TAOK1: variants seen among roughly 807,000 people sequenced by gnomAD.
TAOK1 encodes the protein TAO kinase 1.
In TAOK1, 21 loss-of-function variants were observed where a neutral mutation model predicts 138.3. That is an observed-to-expected ratio of 0.15 (90% CI 0.11 to 0.22). TAOK1 has a LOEUF of 0.22. Ranked by LOEUF, TAOK1 falls within the 10% of genes least tolerant of loss-of-function variation. The pLI is 1.00. For missense variants in TAOK1, 651 were observed against 1,227.7 expected, an observed-to-expected ratio of 0.53 and a Z score of 7.02; for synonymous variants, 361 against 398.4, an observed-to-expected ratio of 0.91 and a Z score of 1.12.
At chr17:29,423,215 T>A (rs1388324703) in intron 1 of TAOK1, among the ~76,000 whole-genome samples, 3 of 136,084 alleles carry the variant, frequency 2.2e-5, no homozygotes, top group Non-Finnish European at 4.6e-5. Flanking sequence ...ACTAAATCTT[T>A]CTTCTTTTCT....
At chr17:29,504,336 G>C (rs1406665682) in intron 13 of TAOK1, among the ~76,000 whole-genome samples, 2 of 145,992 alleles carry the variant, frequency 1.4e-5, no homozygotes, top group African/African-American at 5.0e-5. Flanking sequence ...GAAAAGAAGA[G>C]AGAGAGAAAA....
intron 1 of TAOK1, chr17:29,445,496 G>A (rs1168756601): frequency 6.6e-6 from 1 of 152,082 alleles, no homozygotes; most frequent in East Asian, 1.9e-4. Flanking sequence ...CCTTTAATAG[G>A]TTAAAGATGT....
rs535568453 is a variant in TAOK1, at chr17:29,543,029, A to C, written c.*7A>C. The C allele has an allele frequency of 1.2e-5, 19 of 1,550,704 alleles. No homozygotes were observed. The East Asian group carries it at 4.2e-4, about 34-fold the overall frequency. Reference sequence around the variant, plus strand: ...ACACATGTCTTATACATAACTTAATAATTGAGAGTGGCAATTCCGCTGGAG... The same window carrying C: ...ACACATGTCTTATACATAACTTAATCATTGAGAGTGGCAATTCCGCTGGAG... On this transcript the variant is annotated 3_prime_UTR_variant, in exon 20 of 20. Transcript: ENST00000261716.
intron 15 of TAOK1, chr17:29,514,526 A>G (rs1219523872): frequency 1.3e-5 from 2 of 151,992 alleles, no homozygotes; most frequent in Admixed American, 1.3e-4. Flanking sequence ...TGCCCAGCTA[A>G]TTTTATAATT....
intron 18 of TAOK1, among the ~76,000 whole-genome samples, chr17:29,533,287 G>A (rs1273649330): frequency 1.3e-5 from 2 of 149,978 alleles, no homozygotes; most frequent in African/African-American, 2.5e-5. Context: ...TGGGATGGCG[G>A]CCGGGAAGAG....
rs546453914 is a variant in TAOK1 at position 29,415,116 on chromosome 17, C to T, written c.-95+24092C>T. On this transcript the variant is annotated intron_variant, in intron 1 of 19. Coordinates refer to ENST00000261716, the MANE Select transcript of TAOK1 (RefSeq NM_020791.4). ...TCCCAAATAGCTGGGATTACAGGTG[C>T]GTGCTACCACACCAAGATAATTTTG... is the stretch of plus-strand genomic sequence containing the variant. 1.7e-3 allele frequency among the ~76,000 whole-genome samples: 260 copies of T among 152,108 alleles called. 1 individual carries two copies. The highest frequency in any genetic ancestry group is 5.7e-3 in the African/African-American group (235 of 41,476).
In TAOK1 at chr17:29,491,850, A is replaced by G. The variant is rs1379704548; in HGVS notation, c.816A>G (p.Ser272=). The G allele has an allele frequency of 3.1e-6, 5 of 1,612,648 alleles. No homozygotes were observed. The highest frequency in any genetic ancestry group is 1.1e-5 in the South Asian group (1 of 90,990). Residue 272 remains serine, a synonymous_variant, in exon 10 of 20, where the codon TCA becomes TCG. Coordinates refer to ENST00000261716, the MANE Select transcript of TAOK1 (RefSeq NM_020791.4). ...LQKIPQDRPT[S]EELLKHIFVL... is the part of the protein sequence containing the mutation. ...AAATCCCTCAAGATCGACCTACATC[A>G]GAGGAACTTTTAAAGGTCAGTTCTA...
At chr17:29,513,428 T>G (rs571108374) in intron 15 of TAOK1, 14 of 152,324 alleles carry the variant, frequency 9.2e-5, no homozygotes, top group Middle Eastern at 3.4e-3. Flanking sequence ...ATGCAGTTGT[T>G]TTGTTTTCCA....
intron 19 of TAOK1, among the ~76,000 whole-genome samples, chr17:29,541,436 A>G (rs2032315164): frequency 6.6e-6 from 1 of 152,006 alleles, no homozygotes; most frequent in Non-Finnish European, 1.5e-5. Flanking sequence ...CTTTAATGTA[A>G]TCATAATTCC....
intron 3 of TAOK1, among the ~76,000 whole-genome samples, chr17:29,472,770 T>C (rs1194516421): frequency 6.6e-6 from 1 of 151,462 alleles, no homozygotes; most frequent in African/African-American, 2.4e-5. Flanking sequence ...GAGACAGGGT[T>C]TCTCCATGTC....
chr17:29,502,376 G>A (rs1372844205), intron 12 of TAOK1, among the ~76,000 whole-genome samples: 1 of 152,196 alleles, frequency 6.6e-6, no homozygotes, highest in Non-Finnish European at 1.5e-5. Context: ...GCTACAGTGA[G>A]CTATGGTCAT....
At chr17:29,448,687 A>G (rs1035464135) in intron 1 of TAOK1, among the ~76,000 whole-genome samples, 4 of 152,152 alleles carry the variant, frequency 2.6e-5, no homozygotes, top group Non-Finnish European at 2.9e-5. Flanking sequence ...GTTTTTGTAT[A>G]TCATAGTCTT....
intron 12 of TAOK1, among the ~76,000 whole-genome samples, chr17:29,498,999 G>A (rs1598508700): frequency 2.0e-5 from 3 of 151,812 alleles, no homozygotes; most frequent in African/African-American, 7.3e-5. Context: ...TCTCCATTTG[G>A]AAAATTCATG....
At position 29,550,425 on chromosome 17, in the gene TAOK1, A is replaced by T. The variant is rs1372510508; in HGVS notation, c.*7403A>T. The T allele has an allele frequency of 6.6e-6, 1 of 152,198 alleles. No individual in the cohort carries two copies. Among genetic ancestry groups the T allele is most frequent in the African/African-American group, 2.4e-5 (1 of 41,468 alleles). 9.4% of individuals were successfully genotyped at this position (152,198 alleles called of 1,614,324 possible). A position where few individuals can be genotyped will look rare whatever the true frequency, so the allele number is the denominator to read the frequency against. Reference sequence around the variant, plus strand: ...AAGTTTTTTAGCCCACTTAAAACTTAAGACAACCATTTAAAATAATGGATG... The same window carrying T: ...AAGTTTTTTAGCCCACTTAAAACTTTAGACAACCATTTAAAATAATGGATG... On this transcript the variant is annotated 3_prime_UTR_variant, in exon 20 of 20. Transcript: ENST00000261716.
chr17:29,414,886 A>G (rs763006322), intron 1 of TAOK1, among the ~76,000 whole-genome samples: 1 of 151,934 alleles, frequency 6.6e-6, no homozygotes, highest in African/African-American at 2.4e-5. Context: ...TGGCTGAATA[A>G]TATTCCATTA....
intron 18 of TAOK1, among the ~76,000 whole-genome samples, chr17:29,532,453 G>T (rs1159381584): frequency 6.6e-6 from 1 of 151,580 alleles, no homozygotes; most frequent in African/African-American, 2.4e-5. Context: ...ATAAACAAGT[G>T]AACAAAGGTC....
intron 8 of TAOK1, among the ~76,000 whole-genome samples, chr17:29,488,578 AT>A (rs1204186570): frequency 4.3e-4 from 57 of 132,750 alleles, no homozygotes; most frequent in Middle Eastern, 3.6e-3. Context: ...ATCTCAAAAA[AT>A]AATAATAATA....
At chr17:29,421,915 T>C (rs1339193232) in intron 1 of TAOK1, among the ~76,000 whole-genome samples, 6 of 152,104 alleles carry the variant, frequency 3.9e-5, no homozygotes, top group Non-Finnish European at 1.5e-5. Flanking sequence ...ATTTATCCTT[T>C]TTTTTTGAGT....
chr17:29,447,683 G>T (rs529851938), intron 1 of TAOK1, among the ~76,000 whole-genome samples: 2 of 150,194 alleles, frequency 1.3e-5, no homozygotes, highest in African/African-American at 4.9e-5. Flanking sequence ...TTGAGACAGA[G>T]TGTCGCTATG....
Sources: gnomAD v4.1 joint callset for allele counts (sites outside exome capture counted in the v4.1 genomes callset) on GRCh38, gnomAD v4.1.1 for gene constraint, MANE v1.5 for transcripts, NCBI Gene and HGNC (gene_info 2026-07-23, HGNC 2026-07-21) for gene names.